The following MFHAS1 variants were observed in gnomAD, a reference collection of about 807,000 sequenced individuals.
MFHAS1 encodes malignant fibrous histiocytoma-amplified sequence 1.
Under a neutral mutation model 70.4 loss-of-function variants are expected in MFHAS1, and 50 were observed. The ratio of observed to expected loss-of-function variants is 0.71; its 90% confidence interval spans 0.57 to 0.90. The LOEUF (loss-of-function observed/expected upper bound fraction) is 0.90, where lower values mean the gene tolerates loss of function less well. Among genes scored for constraint, MFHAS1 ranks in the 40% least tolerant of loss-of-function variants. The probability of loss-of-function intolerance (pLI) is 0.00; values close to 1 mark genes in which losing one functional copy is unlikely to be tolerated. For missense variants in MFHAS1, 1,795 were observed against 1,347.6 expected, an observed-to-expected ratio of 1.33 and a Z score of -5.20; for synonymous variants, 952 against 620.0, an observed-to-expected ratio of 1.54 and a Z score of -7.96.
chr8:8,865,276 CAAAAAAAAAAAAA>C (rs35910015), intron 1 of MFHAS1, among the ~76,000 whole-genome samples: 2 of 64,672 alleles, frequency 3.1e-5, no homozygotes, highest in Non-Finnish European at 5.7e-5. Context: ...GACTCCATCT[CAAAAAAAAAAAAA>C]AAAAAAAAAA....
intron 2 of MFHAS1, chr8:8,790,551 T>C (rs1805686725): frequency 1.1e-5 from 2 of 189,040 alleles, no homozygotes; most frequent in Non-Finnish European, 2.0e-5. Flanking sequence ...GCCTCACTCC[T>C]TGCATAGAAC....
intron 1 of MFHAS1, among the ~76,000 whole-genome samples, chr8:8,836,561 G>A (rs1379858839): frequency 1.3e-5 from 2 of 151,976 alleles, no homozygotes; most frequent in African/African-American, 4.8e-5. Flanking sequence ...TTTTTTCTGT[G>A]GAGGCAGGGT....
chr8:8,878,259 A>G (rs1212278163), intron 1 of MFHAS1, among the ~76,000 whole-genome samples: 1 of 152,200 alleles, frequency 6.6e-6, no homozygotes, highest in Non-Finnish European at 1.5e-5. Context: ...CTGAGACCCA[A>G]GTGACGGTGG....
intron 1 of MFHAS1, among the ~76,000 whole-genome samples, chr8:8,856,980 G>GAAAAAAAAAA (rs59496543): frequency 1.9e-5 from 1 of 53,370 alleles, no homozygotes; most frequent in Non-Finnish European, 3.3e-5. Flanking sequence ...TCAGGAAAGT[G>GAAAAAAAAAA]AAAAAAAAAA....
chr8:8,791,190 T>G (rs1356900928), intron 2 of MFHAS1, among the ~76,000 whole-genome samples: 1 of 146,072 alleles, frequency 6.8e-6, no homozygotes, highest in African/African-American at 2.5e-5. Context: ...ATGAACTAAC[T>G]TCTTCAGTCT....
chr8:8,859,706 G>A (rs1050679822), intron 1 of MFHAS1, among the ~76,000 whole-genome samples: 3 of 152,046 alleles, frequency 2.0e-5, no homozygotes, highest in African/African-American at 4.8e-5. Context: ...TTACTATATT[G>A]TAAGAATATA....
At chr8:8,844,349 A>C (rs1279076634) in intron 1 of MFHAS1, among the ~76,000 whole-genome samples, 1 of 152,264 alleles carries the variant, frequency 6.6e-6, no homozygotes, top group East Asian at 1.9e-4. Flanking sequence ...TGCAGGCTTC[A>C]AATGTGTCAT....
At chr8:8,844,653 C>T (rs1379764204) in intron 1 of MFHAS1, among the ~76,000 whole-genome samples, 1 of 152,210 alleles carries the variant, frequency 6.6e-6, no homozygotes, top group Non-Finnish European at 1.5e-5. Flanking sequence ...CTCAGACCAT[C>T]TCTCATGCAC....
chr8:8,890,616 G>C lies in MFHAS1; in HGVS notation c.2443C>G (p.Gln815Glu). 3 of 1,613,924 alleles carry C rather than the reference G, an allele frequency of 1.9e-6. No individual in the cohort carries two copies. Among genetic ancestry groups the C allele is most frequent in the Non-Finnish European group, 2.5e-6 (3 of 1,180,014 alleles). The change falls in exon 1 of 3, where the codon CAG (glutamine) becomes GAG (glutamate). Residue 815 changes from glutamine (Q) to glutamate (E), a missense_variant. Coordinates refer to ENST00000276282, the MANE Select transcript of MFHAS1 (RefSeq NM_004225.3). The stretch of plus-strand genomic sequence containing the variant: ...AGCTCCAGCAACAGCTGCAAGTCCT[G>C]CTGGGCCTGGACATGAGGCTTAAGC... ...LLLKPHVQAQ[Q>E]DLQLLLELLE...
chr8:8,840,478 A>T (rs891458083), intron 1 of MFHAS1, among the ~76,000 whole-genome samples: 1 of 151,212 alleles, frequency 6.6e-6, no homozygotes, highest in Non-Finnish European at 1.5e-5. Flanking sequence ...AAAAAAAAAA[A>T]AAAAGAATGG....
At chr8:8,845,089 T>C (rs1585048057) in intron 1 of MFHAS1, among the ~76,000 whole-genome samples, 1 of 152,230 alleles carries the variant, frequency 6.6e-6, no homozygotes. Flanking sequence ...CATGTGTTTT[T>C]CCCTTTAGAG....
At chr8:8,819,694 G>C (rs1041029575) in intron 1 of MFHAS1, among the ~76,000 whole-genome samples, 1 of 151,632 alleles carries the variant, frequency 6.6e-6, no homozygotes, top group Non-Finnish European at 1.5e-5. Context: ...GGACAGAACA[G>C]ACAACTTCCT....
chr8:8,882,573 T>C (rs1009810661), intron 1 of MFHAS1, among the ~76,000 whole-genome samples: 6 of 151,698 alleles, frequency 4.0e-5, no homozygotes, highest in African/African-American at 9.7e-5. Context: ...GATCGCGCCA[T>C]TGCACTCCAC....
intron 1 of MFHAS1, among the ~76,000 whole-genome samples, chr8:8,833,452 G>C (rs1807483707): frequency 6.6e-6 from 1 of 152,010 alleles, no homozygotes; most frequent in Admixed American, 6.6e-5. Context: ...AACACAGGGA[G>C]ACCCCATGTC....
At chr8:8,871,681 G>T (rs1311618756) in intron 1 of MFHAS1, among the ~76,000 whole-genome samples, 1 of 152,190 alleles carries the variant, frequency 6.6e-6, no homozygotes, top group African/African-American at 2.4e-5. Flanking sequence ...ATTTACAGAC[G>T]AAATTGAGGC....
intron 1 of MFHAS1, among the ~76,000 whole-genome samples, chr8:8,799,649 G>A (rs761990096): frequency 2.0e-5 from 3 of 152,082 alleles, no homozygotes; most frequent in Non-Finnish European, 2.9e-5. Context: ...TCAGGTATTC[G>A]GGAGGCTGAG....
intron 1 of MFHAS1, among the ~76,000 whole-genome samples, chr8:8,870,361 G>A (rs1809031121): frequency 6.6e-6 from 1 of 151,926 alleles, no homozygotes; most frequent in Admixed American, 6.6e-5. Context: ...GCTAACTCGG[G>A]AGGCTGCAGT....
Position 8,786,073 on chromosome 8 carries a change from A to T in MFHAS1, c.3126-18T>A. 1.9e-6 allele frequency: 3 copies of T among 1,612,894 alleles called. No homozygotes were observed. The highest frequency in any genetic ancestry group is 2.5e-6 in the Non-Finnish European group (3 of 1,178,832). On this transcript the variant is annotated intron_variant, in intron 2 of 2. Coordinates refer to ENST00000276282, the MANE Select transcript of MFHAS1 (RefSeq NM_004225.3). ...CATTCTTCCTGTATGGGTGGACAAC[A>T]AGAAAGCACAGAGATGACAAAAACG...
intron 1 of MFHAS1, among the ~76,000 whole-genome samples, chr8:8,835,478 G>T (rs1385531535): frequency 6.6e-6 from 1 of 152,038 alleles, no homozygotes; most frequent in Non-Finnish European, 1.5e-5. Context: ...TCACACTCAG[G>T]AAACAAATGT....
Sources: gnomAD v4.1 joint callset for allele counts (sites outside exome capture counted in the v4.1 genomes callset) on GRCh38, gnomAD v4.1.1 for gene constraint, MANE v1.5 for transcripts, NCBI Gene and HGNC (gene_info 2026-07-23, HGNC 2026-07-21) for gene names.